Variants in RGS7BP observed in about 807,000 individuals in gnomAD.
RGS7BP encodes the protein regulator of G protein signaling 7 binding protein, also known as regulator of G protein signaling 7-binding protein.
Under a neutral mutation model 31.3 loss-of-function variants are expected in RGS7BP, and 9 were observed. That is an observed-to-expected ratio of 0.29 (90% CI 0.17 to 0.50). The LOEUF is 0.50. Among genes scored for constraint, RGS7BP ranks in the 20% least tolerant of loss-of-function variants. RGS7BP has a pLI of 0.98. For missense variants in RGS7BP, 274 were observed against 322.0 expected, an observed-to-expected ratio of 0.85 and a Z score of 1.14; for synonymous variants, 115 against 120.1, an observed-to-expected ratio of 0.96 and a Z score of 0.28.
chr5:64,597,669 G>A (rs1743109967), intron 4 of RGS7BP, among the ~76,000 whole-genome samples: 1 of 151,618 alleles, frequency 6.6e-6, no homozygotes, highest in Non-Finnish European at 1.5e-5. Flanking sequence ...AATAGCACAT[G>A]TTCTCACTTG....
chr5:64,538,019 CTTCT>C (rs569117717), intron 2 of RGS7BP, among the ~76,000 whole-genome samples: 57 of 152,222 alleles, frequency 3.7e-4, no homozygotes, highest in African/African-American at 1.2e-3. Context: ...TTTTTAACCT[CTTCT>C]TTAACTTGTT....
intron 2 of RGS7BP, among the ~76,000 whole-genome samples, chr5:64,511,254 T>G (rs753663367): frequency 1.7e-4 from 26 of 152,208 alleles, no homozygotes; most frequent in Non-Finnish European, 1.5e-4. Context: ...TCAACACGCT[T>G]TCTCAAATTG....
chr5:64,549,016 T>C (rs1467340453), intron 2 of RGS7BP, among the ~76,000 whole-genome samples: 1 of 152,144 alleles, frequency 6.6e-6, no homozygotes, highest in African/African-American at 2.4e-5. Context: ...TATGCTTCTC[T>C]CACGCAAAAT....
chr5:64,543,037 C>T lies in RGS7BP; in HGVS notation c.333-32737C>T, dbSNP rs117067591. Among the ~76,000 whole-genome samples the T allele has an allele frequency of 1.3e-3, 201 of 152,084 alleles. 4 individuals carry two copies. The East Asian group carries it at 0.034, about 26-fold the overall frequency. Reference sequence around the variant, plus strand: ...GCATATCTCCATCTTGAAAATGGCACGATATTGATAGTTCATATTTAAAAG... The same window carrying T: ...GCATATCTCCATCTTGAAAATGGCATGATATTGATAGTTCATATTTAAAAG... On this transcript the variant is annotated intron_variant, in intron 2 of 5. Coordinates refer to ENST00000334025, the MANE Select transcript of RGS7BP (RefSeq NM_001029875.3).
At chr5:64,507,193 G>A (rs1748712925) in intron 1 of RGS7BP, among the ~76,000 whole-genome samples, 1 of 152,240 alleles carries the variant, frequency 6.6e-6, no homozygotes, top group Non-Finnish European at 1.5e-5. Flanking sequence ...AGGGGTCGAA[G>A]GTTCCAGCGC....
chr5:64,546,031 G>A (rs1741649935), intron 2 of RGS7BP, among the ~76,000 whole-genome samples: 1 of 152,150 alleles, frequency 6.6e-6, no homozygotes, highest in Non-Finnish European at 1.5e-5. Flanking sequence ...GTGTGCACCT[G>A]TAGTCCCAGC....
chr5:64,510,870 T>A (rs993750907), intron 2 of RGS7BP, among the ~76,000 whole-genome samples: 1 of 152,210 alleles, frequency 6.6e-6, no homozygotes, highest in African/African-American at 2.4e-5. Flanking sequence ...GACACCTGCC[T>A]CATGGCTATT....
rs533232762 is a variant in RGS7BP at position 64,545,832 on chromosome 5, A to T, written c.333-29942A>T. On this transcript the variant is annotated intron_variant, in intron 2 of 5. Coordinates refer to ENST00000334025, the MANE Select transcript of RGS7BP (RefSeq NM_001029875.3). ...GAGATAATAATATGGAATTTGGGGA[A>T]CTTGTGAGAAATCAAAGTGGAAATG... Among the ~76,000 whole-genome samples the T allele has an allele frequency of 1.8e-3, 274 of 152,296 alleles. 2 individuals are homozygous for T. Among genetic ancestry groups the T allele is most frequent in the African/African-American group, 6.4e-3 (267 of 41,562 alleles).
chr5:64,536,535 G>C (rs1187165274), intron 2 of RGS7BP, among the ~76,000 whole-genome samples: 1 of 152,180 alleles, frequency 6.6e-6, no homozygotes, highest in African/African-American at 2.4e-5. Flanking sequence ...CTGCAATTCA[G>C]TGTGCAAATC....
intron 2 of RGS7BP, among the ~76,000 whole-genome samples, chr5:64,536,499 A>G (rs960782539): frequency 6.6e-6 from 1 of 152,202 alleles, no homozygotes; most frequent in African/African-American, 2.4e-5. Context: ...ATAGGATGAA[A>G]ATCTTCATCC....
chr5:64,546,813 A>C (rs1741670318), intron 2 of RGS7BP, among the ~76,000 whole-genome samples: 1 of 152,216 alleles, frequency 6.6e-6, no homozygotes. Flanking sequence ...CAATGAACTA[A>C]TCTATGTATA....
chr5:64,611,465 T>A lies in RGS7BP; in HGVS notation c.*2213T>A, dbSNP rs1743500953. 6.6e-6 allele frequency: 1 copy of A among 152,250 alleles called. No homozygotes were observed. The highest frequency in any genetic ancestry group is 1.5e-5 in the Non-Finnish European group (1 of 67,864). The allele number at this position is 152,250 out of a possible 1,614,324, so 9.4% of individuals were successfully genotyped here. ...TTAGCCTCAGTGTGAAAGTAACACT[T>A]ACCTTCTGTGCAATTGTCCTTTGTA... On this transcript the variant is annotated 3_prime_UTR_variant, in exon 6 of 6. Coordinates refer to ENST00000334025, the MANE Select transcript of RGS7BP (RefSeq NM_001029875.3).
chr5:64,575,712 C>T (rs923297343), intron 2 of RGS7BP, 62 bp from the exon 3 acceptor site: 1 of 1,543,300 alleles, frequency 6.5e-7, no homozygotes. Context: ...GGAGCTGAGA[C>T]AAATGGCTGA....
At position 64,611,569 on chromosome 5, in the gene RGS7BP, T is replaced by G. The variant is rs1743504375; in HGVS notation, c.*2317T>G. On this transcript the variant is annotated 3_prime_UTR_variant, in exon 6 of 6. Transcript: ENST00000334025. ...TAGTAGCTATTCATGGAGATGGGAA[T>G]TTGTCTAATTACCTAGCCAGAGTTT... 6.6e-6 allele frequency: 1 copy of G among 152,292 alleles called. No homozygotes were observed. The highest frequency in any genetic ancestry group is 2.4e-5 in the African/African-American group (1 of 41,394). The allele number at this position is 152,292 out of a possible 1,614,324, so 9.4% of individuals were successfully genotyped here. A position where few individuals can be genotyped will look rare whatever the true frequency, so the allele number is the denominator to read the frequency against.
chr5:64,515,236 G>A (rs932980828), intron 2 of RGS7BP, among the ~76,000 whole-genome samples: 8 of 152,074 alleles, frequency 5.3e-5, no homozygotes, highest in Non-Finnish European at 2.9e-5. Flanking sequence ...GATTCGATTA[G>A]TTTACATCTT....
At chr5:64,524,087 T>C (rs1209798478) in intron 2 of RGS7BP, among the ~76,000 whole-genome samples, 1 of 152,230 alleles carries the variant, frequency 6.6e-6, no homozygotes, top group Non-Finnish European at 1.5e-5. Flanking sequence ...TATGATTTAG[T>C]AGCTGGTAGG....
chr5:64,596,417 A>G (rs1433644901), intron 4 of RGS7BP, among the ~76,000 whole-genome samples: 1 of 152,206 alleles, frequency 6.6e-6, no homozygotes, highest in African/African-American at 2.4e-5. Context: ...AGCCAACTGA[A>G]TCAGGCTCTC....
chr5:64,608,745 T>A (rs896430590), intron 5 of RGS7BP, among the ~76,000 whole-genome samples: 1 of 152,006 alleles, frequency 6.6e-6, no homozygotes, highest in Admixed American at 6.6e-5. Context: ...CAGAGGCAGG[T>A]TTAGAAAAGA....
At chr5:64,601,736 T>A (rs933532770) in intron 5 of RGS7BP, among the ~76,000 whole-genome samples, 7 of 152,144 alleles carry the variant, frequency 4.6e-5, no homozygotes, top group African/African-American at 1.7e-4. Context: ...TATGATAGTC[T>A]CGCTGTGTCA....
Sources: gnomAD v4.1 joint callset for allele counts (sites outside exome capture counted in the v4.1 genomes callset) on GRCh38, gnomAD v4.1.1 for gene constraint, MANE v1.5 for transcripts, NCBI Gene and HGNC (gene_info 2026-07-23, HGNC 2026-07-21) for gene names.